Variants in TEX264 observed in about 807,000 individuals in gnomAD.
The protein encoded by TEX264 is testis-expressed protein 264.
A neutral mutation model predicts 23.4 loss-of-function variants in TEX264; 13 were observed. That is an observed-to-expected ratio of 0.56 (90% CI 0.36 to 0.88). The LOEUF is 0.88. Among genes scored for constraint, TEX264 ranks in the 40% least tolerant of loss-of-function variants. The probability of loss-of-function intolerance (pLI) is 0.01; values close to 1 mark genes in which losing one functional copy is unlikely to be tolerated. For missense variants in TEX264, 340 were observed against 406.8 expected (o/e 0.84, Z 1.41); for synonymous variants, 159 against 170.0 (o/e 0.94, Z 0.50).
intron 3 of TEX264, among the ~76,000 whole-genome samples, chr3:51,687,403 A>G (rs1201458432): frequency 6.6e-6 from 1 of 152,180 alleles, no homozygotes; most frequent in Non-Finnish European, 1.5e-5. Flanking sequence ...TCAGCCCAGG[A>G]GACAGCAAGG....
chr3:51,674,982 A>G (rs966033095), intron 2 of TEX264, among the ~76,000 whole-genome samples: 4 of 152,054 alleles, frequency 2.6e-5, no homozygotes, highest in African/African-American at 9.7e-5. Flanking sequence ...TGTGCTTTCC[A>G]TCCCTCAGCT....
chr3:51,690,003 G>GGCCTGTGGGCCCCAGCAGATT (rs1702770377), intron 3 of TEX264, among the ~76,000 whole-genome samples: 1 of 152,224 alleles, frequency 6.6e-6, no homozygotes, highest in Non-Finnish European at 1.5e-5. Context: ...TTGGAACTAA[G>GGCCTGTGGGCCCCAGCAGATT]GCCTGTGGGC....
intron 3 of TEX264, among the ~76,000 whole-genome samples, chr3:51,687,429 C>T (rs1284476487): frequency 6.6e-6 from 1 of 152,318 alleles, no homozygotes; most frequent in Non-Finnish European, 1.5e-5. Flanking sequence ...GTATAAGGCT[C>T]CCTTCCATCC....
intron 2 of TEX264, among the ~76,000 whole-genome samples, chr3:51,675,537 G>A (rs1170548419): frequency 1.3e-5 from 2 of 152,160 alleles, no homozygotes; most frequent in Non-Finnish European, 2.9e-5. Context: ...CTACACTCTG[G>A]AGATGAATCA....
In TEX264 at chr3:51,684,490, C is replaced by T. The variant is rs532705370; in HGVS notation, c.336C>T (p.Ile112=). The change falls in exon 3 of 5, where the codon ATC becomes ATT. Residue 112 remains isoleucine (I), a synonymous_variant. Coordinates refer to ENST00000341333, the MANE Select transcript of TEX264 (RefSeq NM_015926.6). The part of the protein sequence containing the change: ...EGEESPSPEL[I]DLYQKFGFKV... ...AGGAATCGCCCTCCCCTGAGCTCAT[C>T]GACCTCTACCAGAAATTTGGCTTCA... 2.4e-5 allele frequency: 38 copies of T among 1,614,116 alleles called. No homozygotes were observed. Among genetic ancestry groups the T allele is most frequent in the Non-Finnish European group, 2.9e-5 (34 of 1,180,052 alleles).
In TEX264 at chr3:51,703,668, T is replaced by G; in HGVS notation, c.650-56T>G. On this transcript the variant is annotated intron_variant, in intron 4 of 4. Coordinates refer to ENST00000341333, the MANE Select transcript of TEX264 (RefSeq NM_015926.6). This position sits in a 1 kb window ranked among gnomAD's most constrained non-coding sequence, Gnocchi z 4.8. ...CACTGCGTGCTGAGTTGCCTCTCCC[T>G]GGAGGAGGGGGTGGGGTGGTCCTAG... 1 of 1,520,972 alleles carries G rather than the reference T, an allele frequency of 6.6e-7. No individual in the cohort carries two copies. The highest frequency in any genetic ancestry group is 8.9e-7 in the Non-Finnish European group (1 of 1,127,046). 94.2% of individuals were successfully genotyped at this position (1,520,972 alleles called of 1,614,324 possible).
At position 51,703,946 on chromosome 3, in the gene TEX264, C is replaced by G. The variant is rs746480852; in HGVS notation, c.872C>G (p.Pro291Arg). The change falls in exon 5 of 5, where the codon CCT becomes CGT. Residue 291 changes from proline (P) to arginine (R), a missense_variant. Coordinates refer to ENST00000341333, the MANE Select transcript of TEX264 (RefSeq NM_015926.6). This position sits in a 1 kb window ranked among gnomAD's most constrained non-coding sequence, Gnocchi z 4.8. ...CCCTTAGGGGAGTCACGGCTGGACC[C>G]TGGGACTGAGCCCCTGGGGACTACC... ...EGPLGESRLDPGTEPLGTTKW... is the reference protein window; with the variant it reads ...EGPLGESRLDRGTEPLGTTKW... The G allele has an allele frequency of 1.3e-6, 2 of 1,591,076 alleles. No homozygotes were observed. Among genetic ancestry groups the G allele is most frequent in the Non-Finnish European group, 1.7e-6 (2 of 1,164,680 alleles).
chr3:51,693,221 T>G (rs1702890798), intron 3 of TEX264, among the ~76,000 whole-genome samples: 1 of 152,214 alleles, frequency 6.6e-6, no homozygotes, highest in South Asian at 2.1e-4. Flanking sequence ...CTGCCGGCTC[T>G]GAGGTGAAAA....
At chr3:51,678,536 G>T (rs1209017224) in intron 2 of TEX264, among the ~76,000 whole-genome samples, 3 of 152,242 alleles carry the variant, frequency 2.0e-5, no homozygotes, top group Non-Finnish European at 2.9e-5. Flanking sequence ...GCCTATATTT[G>T]CTGCTTACAT....
At chr3:51,699,787 C>T (rs1430482712) in intron 4 of TEX264, among the ~76,000 whole-genome samples, 1 of 152,098 alleles carries the variant, frequency 6.6e-6, no homozygotes, top group East Asian at 1.9e-4. Context: ...TGTGGATTCA[C>T]ACACATTACC....
intron 4 of TEX264, among the ~76,000 whole-genome samples, chr3:51,700,345 T>G (rs1171672238): frequency 6.6e-6 from 1 of 152,050 alleles, no homozygotes; most frequent in African/African-American, 2.4e-5. Context: ...CCTCCTCTCC[T>G]CCTTCTTTAG....
At chr3:51,685,057 C>G (rs1702569523) in intron 3 of TEX264, among the ~76,000 whole-genome samples, 1 of 152,216 alleles carries the variant, frequency 6.6e-6, no homozygotes, top group Non-Finnish European at 1.5e-5. Context: ...GCCCGTGGCC[C>G]TGCCTGTGCA....
At position 51,703,315 on chromosome 3, in the gene TEX264, A is replaced by T. The variant is rs1703384442; in HGVS notation, c.650-409A>T. On this transcript the variant is annotated intron_variant, in intron 4 of 4. Coordinates refer to ENST00000341333, the MANE Select transcript of TEX264 (RefSeq NM_015926.6). This position sits in a 1 kb window ranked among gnomAD's most constrained non-coding sequence, Gnocchi z 4.8. ...CTGGACACATCTCTTTCCAAGCTTG[A>T]AGTGGGGGTGGGGGAAGGTGGAGAG... 6.6e-6 allele frequency among the ~76,000 whole-genome samples: 1 copy of T among 151,656 alleles called. No homozygotes were observed.
intron 3 of TEX264, among the ~76,000 whole-genome samples, chr3:51,696,596 C>A (rs982976399): frequency 1.3e-5 from 2 of 152,192 alleles, no homozygotes; most frequent in Admixed American, 6.5e-5. Context: ...TTGTCCTGCC[C>A]CTCACCTTCC....
At chr3:51,684,879 G>T (rs1472729339) in intron 3 of TEX264, among the ~76,000 whole-genome samples, 1 of 152,230 alleles carries the variant, frequency 6.6e-6, no homozygotes, top group Admixed American at 6.5e-5. Context: ...TCATAAATCT[G>T]ATCTGGTTAG....
rs967719264 is a variant in TEX264, at chr3:51,684,568, C to T, written c.414C>T (p.Tyr138=). ...PSHVVTATFP[Y]TTILSIWLAT... is the part of the protein sequence containing the mutation. ...ATGTGGTGACAGCCACCTTCCCCTACACCACCATTCTGTCCATCTGGCTGG... is the reference window on the plus strand; with the variant it reads ...ATGTGGTGACAGCCACCTTCCCCTATACCACCATTCTGTCCATCTGGCTGG... The change falls in exon 3 of 5, where the codon TAC becomes TAT. Residue 138 remains tyrosine, a synonymous_variant. Coordinates refer to ENST00000341333, the MANE Select transcript of TEX264 (RefSeq NM_015926.6). 1.9e-6 allele frequency: 3 copies of T among 1,614,238 alleles called. No individual in the cohort carries two copies. The highest frequency in any genetic ancestry group is 2.2e-5 in the East Asian group (1 of 44,872).
chr3:51,701,376 G>A (rs575670813), intron 4 of TEX264, among the ~76,000 whole-genome samples: 1 of 151,050 alleles, frequency 6.6e-6, no homozygotes, highest in South Asian at 2.1e-4. Context: ...GGCTGGAGTG[G>A]TGCAGTGGCA....
Position 51,701,910 on chromosome 3 carries a change from G to A in TEX264, c.650-1814G>A, listed in dbSNP as rs1208576570. 2.0e-5 allele frequency among the ~76,000 whole-genome samples: 3 copies of A among 152,350 alleles called. No individual in the cohort carries two copies. The East Asian group carries it at 5.8e-4, about 29-fold the overall frequency. On this transcript the variant is annotated intron_variant, in intron 4 of 4. Transcript: ENST00000341333. ...GCTTCCCAAAGTGCTGGGATTACAG[G>A]CGTGAGCCACCGTGCCTGGCCTCCA...
chr3:51,686,375 G>A lies in TEX264; in HGVS notation c.480+1741G>A, dbSNP rs1431651170. 2.0e-5 allele frequency among the ~76,000 whole-genome samples: 3 copies of A among 152,214 alleles called. No homozygotes were observed. The highest frequency in any genetic ancestry group is 1.3e-4 in the Admixed American group (2 of 15,286). ...GATCCTTGCAACTTTGTTCACCAAAGCAGCTTGGGGAAAGGGACACAGCGT... is the reference window on the plus strand; with the variant it reads ...GATCCTTGCAACTTTGTTCACCAAAACAGCTTGGGGAAAGGGACACAGCGT... On this transcript the variant is annotated intron_variant, in intron 3 of 4. Transcript: ENST00000341333. The surrounding 1 kb of genome is among the most constrained non-coding windows in gnomAD (Gnocchi z 4.1).
Sources: allele counts gnomAD v4.1 joint callset (sites outside exome capture counted in the v4.1 genomes callset), GRCh38; gene constraint gnomAD v4.1.1; non-coding constraint Gnocchi (gnomAD v3.1); transcripts MANE v1.5; gene names NCBI Gene and HGNC (gene_info 2026-07-23, HGNC 2026-07-21).